The following AAR2 variants were observed in gnomAD, a reference collection of about 807,000 sequenced individuals.
The protein encoded by AAR2 is protein AAR2 homolog.
AAR2 carries 31 observed loss-of-function variants against 26.9 expected under a neutral mutation model. The ratio of observed to expected loss-of-function variants is 1.15; its 90% CI spans 0.86 to 1.55. AAR2 has a LOEUF of 1.55. Among genes scored for constraint, AAR2 ranks in the 40% most tolerant of loss-of-function variants. AAR2 has a pLI of 0.00. For synonymous variants in AAR2, 188 were observed against 196.1 expected (o/e 0.96, Z 0.34); for missense variants, 430 against 491.3 (o/e 0.88, Z 1.18).
intron 3 of AAR2, among the ~76,000 whole-genome samples, chr20:36,248,955 G>T (rs2064760439): frequency 6.6e-6 from 1 of 151,908 alleles, no homozygotes; most frequent in South Asian, 2.1e-4. Flanking sequence ...CCACACAGAG[G>T]CATTCACTCA....
chr20:36,239,864 G>A lies in AAR2; in HGVS notation c.-5G>A, dbSNP rs760233435. 1 of 1,566,944 alleles carries A rather than the reference G, an allele frequency of 6.4e-7. No homozygotes were observed. Among genetic ancestry groups the A allele is most frequent in the South Asian group, 1.2e-5 (1 of 85,972 alleles). On this transcript the variant is annotated 5_prime_UTR_variant, in exon 2 of 4. Transcript: ENST00000320849. ...GGGTTCTTTTGGTCACCCACCACTG[G>A]CCCCATGGCTGCCGTGCAGATGGAT...
intron 2 of AAR2, among the ~76,000 whole-genome samples, chr20:36,243,883 C>T (rs910274475): frequency 6.6e-6 from 1 of 152,208 alleles, no homozygotes; most frequent in Admixed American, 6.5e-5. Flanking sequence ...GGCAGTTTGG[C>T]TCCAGAGCCC....
chr20:36,241,311 C>T (rs1347977497), intron 2 of AAR2, among the ~76,000 whole-genome samples: 1 of 151,950 alleles, frequency 6.6e-6, no homozygotes, highest in Admixed American at 6.6e-5. Context: ...GTATATGTGT[C>T]TGTATATATA....
intron 3 of AAR2, among the ~76,000 whole-genome samples, chr20:36,255,028 A>G (rs1002505839): frequency 3.9e-5 from 6 of 152,232 alleles, no homozygotes; most frequent in African/African-American, 1.4e-4. Context: ...GCATCATCAT[A>G]AAGTCGAAGT....
At chr20:36,254,799 T>TA (rs542232915) in intron 3 of AAR2, among the ~76,000 whole-genome samples, 81 of 152,272 alleles carry the variant, frequency 5.3e-4, no homozygotes, top group African/African-American at 1.9e-3. Flanking sequence ...ATACCGTAAG[T>TA]AAAAAATGCA....
intron 3 of AAR2, among the ~76,000 whole-genome samples, chr20:36,249,625 A>T (rs952258114): frequency 6.6e-6 from 1 of 152,118 alleles, no homozygotes; most frequent in African/African-American, 2.4e-5. Flanking sequence ...TTGCCTGCCT[A>T]CTCCTACACC....
At position 36,256,020 on chromosome 20, in the gene AAR2, C is replaced by T. The variant is rs775084293; in HGVS notation, c.*275C>T. 12 of 389,032 alleles carry T rather than the reference C, an allele frequency of 3.1e-5. No individual in the cohort carries two copies. The highest frequency in any genetic ancestry group is 5.1e-5 in the Non-Finnish European group (11 of 216,476). The allele number at this position is 389,032 out of a possible 1,614,324, so 24.1% of individuals were successfully genotyped here. Reference sequence around the variant, plus strand: ...ACACAGGCTCTTACACACACACGCTCCTAGGAGACATCTGCCTACACGGCA... The same window carrying T: ...ACACAGGCTCTTACACACACACGCTTCTAGGAGACATCTGCCTACACGGCA... On this transcript the variant is annotated 3_prime_UTR_variant, in exon 4 of 4. Coordinates refer to ENST00000320849, the MANE Select transcript of AAR2 (RefSeq NM_001271874.2).
At chr20:36,238,492 C>A (rs2064641928) in intron 1 of AAR2, among the ~76,000 whole-genome samples, 1 of 152,082 alleles carries the variant, frequency 6.6e-6, no homozygotes, top group Non-Finnish European at 1.5e-5. Context: ...CATGGTGGCT[C>A]ACACCTGTTA....
At chr20:36,251,863 C>T (rs374434184) in intron 3 of AAR2, among the ~76,000 whole-genome samples, 4 of 152,330 alleles carry the variant, frequency 2.6e-5, no homozygotes, top group African/African-American at 9.6e-5. Context: ...GGGTGATGAG[C>T]GTGAGCCCAG....
chr20:36,254,602 G>A (rs957470986), intron 3 of AAR2, among the ~76,000 whole-genome samples: 4 of 152,140 alleles, frequency 2.6e-5, no homozygotes, highest in Non-Finnish European at 4.4e-5. Context: ...TGGTGGTGAT[G>A]GTTGTACAAC....
chr20:36,237,510 AT>A (rs1354291335), intron 1 of AAR2, among the ~76,000 whole-genome samples: 1 of 152,086 alleles, frequency 6.6e-6, no homozygotes, highest in East Asian at 1.9e-4. Context: ...TGCATATTTA[AT>A]AAACGTTTTC....
At chr20:36,244,621 C>A in intron 2 of AAR2, 76 bp from the exon 3 acceptor site, 3 of 1,386,998 alleles carry the variant, frequency 2.2e-6, no homozygotes, top group Non-Finnish European at 3.1e-6. Context: ...GAATTCATGG[C>A]CTTGTGAATA....
rs1033734410 is a variant in AAR2 at position 36,239,785 on chromosome 20, C to A, written c.-48-36C>A. 2.1e-5 allele frequency: 31 copies of A among 1,467,286 alleles called. 1 individual carries two copies. In the South Asian group the frequency reaches 3.9e-4, roughly 19 times the overall value. The allele number at this position is 1,467,286 out of a possible 1,614,324, so 90.9% of individuals were successfully genotyped here. A position where few individuals can be genotyped will look rare whatever the true frequency, so the allele number is the denominator to read the frequency against. Reference sequence around the variant, plus strand: ...CTTAGCAAATGAAGCATCTTTCCCCCACGTTCTGATTAACTCTGGTTTCTT... The same window carrying A: ...CTTAGCAAATGAAGCATCTTTCCCCAACGTTCTGATTAACTCTGGTTTCTT... On this transcript the variant is annotated intron_variant, in intron 1 of 3. Transcript: ENST00000320849.
intron 3 of AAR2, among the ~76,000 whole-genome samples, chr20:36,249,841 G>T (rs889076412): frequency 5.9e-5 from 9 of 152,188 alleles, no homozygotes; most frequent in Non-Finnish European, 1.3e-4. Flanking sequence ...TATGATTAGA[G>T]CCCCAGATGA....
intron 3 of AAR2, among the ~76,000 whole-genome samples, chr20:36,246,268 G>C (rs2064733951): frequency 6.6e-6 from 1 of 152,150 alleles, no homozygotes; most frequent in Admixed American, 6.5e-5. Flanking sequence ...TCGAGGTCCT[G>C]TTTCTCAGAG....
rs1284506020 is a variant in AAR2, at chr20:36,256,274, G to T, written c.*529G>T. ...GAGGACTTGGCCTGCAGCTCCTTGG[G>T]AGCCCTTGATTGGGAAGAGAGTTTC... On this transcript the variant is annotated 3_prime_UTR_variant, in exon 4 of 4. Transcript: ENST00000320849. 6.6e-6 allele frequency: 1 copy of T among 152,564 alleles called. No individual in the cohort carries two copies. Among genetic ancestry groups the T allele is most frequent in the African/African-American group, 2.4e-5 (1 of 41,446 alleles). 9.5% of individuals were successfully genotyped at this position (152,564 alleles called of 1,614,324 possible).
intron 3 of AAR2, among the ~76,000 whole-genome samples, chr20:36,253,947 G>C (rs2064799910): frequency 6.6e-6 from 1 of 152,166 alleles, no homozygotes; most frequent in African/African-American, 2.4e-5. Context: ...AAAATAACAG[G>C]CGTTGGCCAG....
chr20:36,237,286 A>G (rs972400904), intron 1 of AAR2, among the ~76,000 whole-genome samples: 6 of 152,182 alleles, frequency 3.9e-5, no homozygotes, highest in Admixed American at 3.9e-4. Context: ...AGAAGCTGAC[A>G]TGGGTGGTGT....
chr20:36,239,835 A>C lies in AAR2; in HGVS notation c.-34A>C. 1 of 1,523,980 alleles carries C rather than the reference A, an allele frequency of 6.6e-7. No individual in the cohort carries two copies. Among genetic ancestry groups the C allele is most frequent in the Non-Finnish European group, 8.8e-7 (1 of 1,135,812 alleles). 94.4% of individuals were successfully genotyped at this position (1,523,980 alleles called of 1,614,324 possible). A position where few individuals can be genotyped will look rare whatever the true frequency, so the allele number is the denominator to read the frequency against. ...TTCTTTCTCAGCTGTTCATCAAAGAAAAAGGGTTCTTTTGGTCACCCACCA... is the reference window on the plus strand; with the variant it reads ...TTCTTTCTCAGCTGTTCATCAAAGACAAAGGGTTCTTTTGGTCACCCACCA... On this transcript the variant is annotated 5_prime_UTR_variant, in exon 2 of 4. Transcript: ENST00000320849.
Sources: allele counts gnomAD v4.1 joint callset (sites outside exome capture counted in the v4.1 genomes callset), GRCh38; gene constraint gnomAD v4.1.1; transcripts MANE v1.5; gene names NCBI Gene and HGNC (gene_info 2026-07-23, HGNC 2026-07-21).